Variants in EMSY observed in about 807,000 individuals in gnomAD.
The protein encoded by EMSY is BRCA2-interacting transcriptional repressor EMSY.
A neutral mutation model predicts 134.6 loss-of-function variants in EMSY; 26 were observed. The observed-to-expected ratio is 0.19, with a 90% confidence interval of 0.14 to 0.27. The LOEUF is 0.27. Among genes scored for constraint, EMSY ranks in the 10% least tolerant of loss-of-function variants. The pLI is 1.00. For missense variants in EMSY, 1,305 were observed against 1,611.4 expected, an observed-to-expected ratio of 0.81 and a Z score of 3.26; for synonymous variants, 579 against 577.8, an observed-to-expected ratio of 1.00 and a Z score of -0.03.
At chr11:76,468,221 T>C (rs183524601) in intron 7 of EMSY, among the ~76,000 whole-genome samples, 1 of 152,216 alleles carries the variant, frequency 6.6e-6, no homozygotes, top group South Asian at 2.1e-4. Context: ...GTTTTCAGAC[T>C]TGGGATGTTT....
intron 13 of EMSY, 81 bp from the exon 15 acceptor site, chr11:76,528,187 A>G (rs1950911751): frequency 8.1e-7 from 1 of 1,240,996 alleles, no homozygotes; most frequent in Non-Finnish European, 1.1e-6. Context: ...CCAGGAAAAT[A>G]TTAGTTTATG....
chr11:76,520,466 T>C (rs1010062455), intron 11 of EMSY, among the ~76,000 whole-genome samples: 2 of 152,166 alleles, frequency 1.3e-5, no homozygotes, highest in East Asian at 3.8e-4. Context: ...AAAAGGTCTA[T>C]AGAGTTAATC....
rs1011057971 is a variant in EMSY at position 76,492,472 on chromosome 11, C to CATAA, written c.1109-3727_1109-3724dup. ...TGGGCCACAGAGCGAGACTCCATCT[C>CATAA]ATAAATAAATAAATAAATACAATTC... On this transcript the variant is annotated intron_variant, in intron 8 of 20. Coordinates refer to ENST00000334736, the Ensembl canonical transcript of EMSY. Among the ~76,000 whole-genome samples the CATAA allele has an allele frequency of 2.6e-5, 4 of 152,074 alleles. No individual in the cohort carries two copies. The South Asian group carries it at 6.2e-4, about 24-fold the overall frequency.
chr11:76,491,610 CTG>C (rs1399718931), intron 8 of EMSY, among the ~76,000 whole-genome samples: 2 of 152,246 alleles, frequency 1.3e-5, no homozygotes, highest in Non-Finnish European at 2.9e-5. Flanking sequence ...AGTTTGGACT[CTG>C]TACTCACCCT....
chr11:76,529,998 G>A (rs1464000031), intron 14 of EMSY, among the ~76,000 whole-genome samples: 1 of 152,052 alleles, frequency 6.6e-6, no homozygotes, highest in Non-Finnish European at 1.5e-5. Context: ...CAGATAAAAT[G>A]TTTAGTATGA....
Position 76,544,900 on chromosome 11 carries a change from A to G in EMSY, c.3273+78A>G, listed in dbSNP as rs562739481. On this transcript the variant is annotated intron_variant, in intron 19 of 20. Transcript: ENST00000334736. ...AAAATGAGAACATCACGACCCTATC[A>G]TGATATCAGTGCTTTCTCCTGGCAA... The G allele has an allele frequency of 5.0e-5, 72 of 1,437,212 alleles. No individual in the cohort carries two copies. The South Asian group carries it at 8.0e-4, about 16-fold the overall frequency. 89.0% of individuals were successfully genotyped at this position (1,437,212 alleles called of 1,614,324 possible).
At chr11:76,470,492 C>G (rs1328757011) in intron 7 of EMSY, among the ~76,000 whole-genome samples, 1 of 152,022 alleles carries the variant, frequency 6.6e-6, no homozygotes, top group Non-Finnish European at 1.5e-5. Flanking sequence ...TTTCCTTAAC[C>G]CTGCCATTTT....
chr11:76,455,867 C>G (rs1327921795), intron 4 of EMSY, among the ~76,000 whole-genome samples: 1 of 152,116 alleles, frequency 6.6e-6, no homozygotes, highest in Non-Finnish European at 1.5e-5. Flanking sequence ...TCTCTAGATT[C>G]AGGAGAAAGT....
chr11:76,531,938 C>T (rs1951055755), intron 14 of EMSY, among the ~76,000 whole-genome samples: 1 of 152,088 alleles, frequency 6.6e-6, no homozygotes, highest in Non-Finnish European at 1.5e-5. Flanking sequence ...GTCCTCCACC[C>T]CCAAGGAAGA....
At chr11:76,551,430 T>G (rs1044380916) in exon 21 of EMSY, 1 of 152,772 alleles carries the variant, frequency 6.5e-6, no homozygotes, top group African/African-American at 2.4e-5. Flanking sequence ...CTGCCCAGTT[T>G]TTTTGGTGCT....
intron 12 of EMSY, among the ~76,000 whole-genome samples, chr11:76,525,446 A>G (rs1297048757): frequency 6.6e-6 from 1 of 152,204 alleles, no homozygotes; most frequent in Non-Finnish European, 1.5e-5. Context: ...AAGTTTAGAT[A>G]GGCACACGTT....
At chr11:76,480,377 T>C (rs1428540487) in intron 8 of EMSY, among the ~76,000 whole-genome samples, 4 of 152,216 alleles carry the variant, frequency 2.6e-5, no homozygotes, top group African/African-American at 7.2e-5. Context: ...GGATATCTTT[T>C]CTGATTGGTT....
chr11:76,526,421 A>G, intron 12 of EMSY, 41 bp from the exon 14 acceptor site: 2 of 1,445,402 alleles, frequency 1.4e-6, no homozygotes, highest in Non-Finnish European at 9.3e-7. Flanking sequence ...TATCATTTAT[A>G]TGCATATAAA....
At chr11:76,522,846 A>G (rs1437344692) in intron 11 of EMSY, among the ~76,000 whole-genome samples, 3 of 152,138 alleles carry the variant, frequency 2.0e-5, no homozygotes, top group Non-Finnish European at 4.4e-5. Context: ...AGAGATTGTG[A>G]TTTGTTTCTT....
intron 8 of EMSY, among the ~76,000 whole-genome samples, chr11:76,474,684 T>C (rs1157904567): frequency 6.6e-6 from 1 of 152,212 alleles, no homozygotes; most frequent in African/African-American, 2.4e-5. Flanking sequence ...AATTTCCTTT[T>C]ATGTTACCTT....
chr11:76,519,343 G>A (rs1950567487), intron 11 of EMSY, among the ~76,000 whole-genome samples: 1 of 152,104 alleles, frequency 6.6e-6, no homozygotes, highest in Admixed American at 6.5e-5. Flanking sequence ...GGTATTATAG[G>A]CGTCAGTTAC....
chr11:76,538,403 G>A (rs1463234106), intron 16 of EMSY, among the ~76,000 whole-genome samples: 5 of 152,060 alleles, frequency 3.3e-5, no homozygotes, highest in Non-Finnish European at 7.4e-5. Flanking sequence ...GGGACTACAG[G>A]TGTGTGCCAC....
At chr11:76,477,639 T>C (rs1317873727) in intron 8 of EMSY, among the ~76,000 whole-genome samples, 1 of 152,142 alleles carries the variant, frequency 6.6e-6, no homozygotes, top group Non-Finnish European at 1.5e-5. Context: ...CAGAAAGAGG[T>C]AATAGCTGAA....
At chr11:76,504,130 A>G (rs192201464) in intron 9 of EMSY, among the ~76,000 whole-genome samples, 4 of 152,128 alleles carry the variant, frequency 2.6e-5, no homozygotes, top group Admixed American at 2.6e-4. Flanking sequence ...TAAAAAGACA[A>G]TTCAGAGAAT....
Sources: allele counts gnomAD v4.1 joint callset (sites outside exome capture counted in the v4.1 genomes callset), GRCh38; gene constraint gnomAD v4.1.1; transcripts MANE v1.5; gene names NCBI Gene and HGNC (gene_info 2026-07-23, HGNC 2026-07-21).